The following CEP57 variants were observed in gnomAD, a reference collection of about 807,000 sequenced individuals.
CEP57 encodes centrosomal protein 57, also known as centrosomal protein of 57 kDa.
A neutral mutation model predicts 68.0 loss-of-function variants in CEP57; 40 were observed. The observed-to-expected ratio is 0.59, with a 90% CI of 0.46 to 0.77. The LOEUF (loss-of-function observed/expected upper bound fraction) is 0.77. Among genes scored for constraint, CEP57 ranks in the 30% least tolerant of loss-of-function variants. The probability of loss-of-function intolerance (pLI) is 0.00; values close to 1 mark genes in which losing one functional copy is unlikely to be tolerated. For synonymous variants in CEP57, 219 were observed against 198.7 expected (o/e 1.10, Z -0.86); for missense variants, 606 against 580.7 (o/e 1.04, Z -0.45).
chr11:95,821,006 A>G (rs118139381), intron 6 of CEP57, among the ~76,000 whole-genome samples: 2,597 of 152,292 alleles, frequency 0.017, 38 homozygotes, highest in South Asian at 0.064. Context: ...GTGGTTCTGA[A>G]TATTTGTTCT....
intron 1 of CEP57, among the ~76,000 whole-genome samples, chr11:95,797,128 G>A (rs1327968341): frequency 6.6e-6 from 1 of 151,636 alleles, no homozygotes; most frequent in Non-Finnish European, 1.5e-5. Context: ...CAGGGCCTAG[G>A]GCTGAAATTT....
At position 95,828,036 on chromosome 11, in the gene CEP57, T is replaced by C. The variant is rs1198858773; in HGVS notation, c.1127+9T>C. On this transcript the variant is annotated intron_variant, in intron 9 of 10. Transcript: ENST00000325542. Reference sequence around the variant, plus strand: ...TTTGGGCAAATGAGCTTGTGAGTTTTTGTTTTTTTTTTTAAATTCAGTTTA... The same window carrying C: ...TTTGGGCAAATGAGCTTGTGAGTTTCTGTTTTTTTTTTTAAATTCAGTTTA... The C allele has an allele frequency of 1.2e-6, 2 of 1,611,016 alleles. No homozygotes were observed. Among genetic ancestry groups the C allele is most frequent in the Non-Finnish European group, 1.7e-6 (2 of 1,178,502 alleles).
chr11:95,826,417 CAT>C (rs1401201893), intron 8 of CEP57: 2 of 152,114 alleles, frequency 1.3e-5, no homozygotes, highest in African/African-American at 4.8e-5. Context: ...TGGGGAACAA[CAT>C]ACACTGGAGC....
chr11:95,818,677 G>A (rs1862402839), intron 5 of CEP57, 150 bp from the exon 6 acceptor site: 1 of 638,620 alleles, frequency 1.6e-6, no homozygotes. Context: ...CATCATGGAT[G>A]CCATCCAGCT....
At chr11:95,816,260 A>G (rs1271894665) in intron 4 of CEP57, among the ~76,000 whole-genome samples, 1 of 152,154 alleles carries the variant, frequency 6.6e-6, no homozygotes, top group Non-Finnish European at 1.5e-5. Flanking sequence ...ATCAGATCTC[A>G]TGAGAATTCA....
chr11:95,817,149 C>T (rs564143550), intron 4 of CEP57, among the ~76,000 whole-genome samples: 132 of 151,614 alleles, frequency 8.7e-4, no homozygotes, highest in Non-Finnish European at 1.7e-3. Context: ...GGGTGGCTTA[C>T]GGGGTCAGGA....
intron 2 of CEP57, among the ~76,000 whole-genome samples, chr11:95,810,846 A>T (rs1862029663): frequency 6.6e-6 from 1 of 152,198 alleles, no homozygotes; most frequent in African/African-American, 2.4e-5. Flanking sequence ...GGAAAAAACT[A>T]CTTTAAAGTT....
chr11:95,825,012 G>GC (rs912684347), intron 8 of CEP57, among the ~76,000 whole-genome samples: 4 of 152,162 alleles, frequency 2.6e-5, no homozygotes, highest in African/African-American at 9.7e-5. Flanking sequence ...ACTAGGCATT[G>GC]CCCCTAGCTA....
In CEP57 at chr11:95,831,095, A is replaced by G. The variant is rs644799; in HGVS notation, c.1342A>G (p.Arg448Gly). Residue 448 changes from arginine to glycine, a missense_variant, in exon 11 of 11, where the codon AGA becomes GGA. Arg to Gly is a moderately radical substitution (Grantham distance 125). Coordinates refer to ENST00000325542, the MANE Select transcript of CEP57 (RefSeq NM_014679.5). ...TACCAAAAAGACTCTTGATGAAGAAAGAAACAGCAGCAGCCGTTCTGGAAT... is the reference window on the plus strand; with the variant it reads ...TACCAAAAAGACTCTTGATGAAGAAGGAAACAGCAGCAGCCGTTCTGGAAT... ...KATKKTLDEERNSSSRSGITG... is the reference protein window; with the variant it reads ...KATKKTLDEEGNSSSRSGITG... The G allele has an allele frequency of 0.34, 555,265 of 1,612,300 alleles. 101,901 individuals are homozygous for G. The highest frequency in any genetic ancestry group is 0.38 in the Non-Finnish European group (449,803 of 1,178,604).
intron 2 of CEP57, 132 bp downstream of exon 2, chr11:95,799,520 A>G: frequency 9.3e-7 from 1 of 1,072,160 alleles, no homozygotes; most frequent in Non-Finnish European, 1.4e-6. Context: ...GCCCCCAGAA[A>G]ATATTATGCT....
chr11:95,790,367 T>C (rs561508532), upstream of CEP57: 4 of 448,578 alleles, frequency 8.9e-6, no homozygotes, highest in South Asian at 8.1e-5. Context: ...ACCCCGGCGT[T>C]GTCTGCCCCA....
chr11:95,791,113 A>G (rs1319965128), intron 1 of CEP57, among the ~76,000 whole-genome samples: 1 of 152,150 alleles, frequency 6.6e-6, no homozygotes, highest in African/African-American at 2.4e-5. Flanking sequence ...AACTCGCCAG[A>G]TCAGGTGAGG....
intron 2 of CEP57, among the ~76,000 whole-genome samples, chr11:95,807,541 A>C (rs1426515768): frequency 1.3e-5 from 2 of 152,226 alleles, no homozygotes; most frequent in African/African-American, 4.8e-5. Flanking sequence ...GATGGAGCTG[A>C]AAACCATGCC....
chr11:95,830,908 A>G (rs1389232604), intron 10 of CEP57, 118 bp from the exon 11 acceptor site: 5 of 553,516 alleles, frequency 9.0e-6, no homozygotes, highest in African/African-American at 6.8e-5. Flanking sequence ...AGAATGTATT[A>G]TTTTTCAGTT....
chr11:95,790,664 C>T lies in CEP57; in HGVS notation c.-35C>T. The T allele has an allele frequency of 1.2e-6, 2 of 1,611,354 alleles. No individual in the cohort carries two copies. Among genetic ancestry groups the T allele is most frequent in the South Asian group, 2.2e-5 (2 of 90,430 alleles). On this transcript the variant is annotated 5_prime_UTR_variant, in exon 1 of 11. Transcript: ENST00000325542. Reference sequence around the variant, plus strand: ...GAAGAGCACGAGAACCTAGACCGCCCCCGAAGTGCGGAGACCCCCTGGGCA... The same window carrying T: ...GAAGAGCACGAGAACCTAGACCGCCTCCGAAGTGCGGAGACCCCCTGGGCA...
intron 8 of CEP57, among the ~76,000 whole-genome samples, chr11:95,824,265 A>G (rs1038125165): frequency 3.3e-5 from 5 of 152,006 alleles, no homozygotes; most frequent in Non-Finnish European, 7.4e-5. Flanking sequence ...TTTTAAAAAA[A>G]AAAGGAAATT....
intron 1 of CEP57, chr11:95,794,345 T>A (rs1401595278): frequency 2.2e-6 from 1 of 455,800 alleles, no homozygotes; most frequent in Non-Finnish European, 4.4e-6. Flanking sequence ...CTGAATGAAT[T>A]ATCTGGTTCA....
chr11:95,818,777 A>G (rs1351250672), intron 5 of CEP57, 50 bp from the exon 6 acceptor site: 6 of 1,417,584 alleles, frequency 4.2e-6, no homozygotes, highest in Non-Finnish European at 6.0e-6. Flanking sequence ...AAAATTTTAC[A>G]GACACTTAAG....
chr11:95,824,264 A>G (rs1862644903), intron 8 of CEP57, among the ~76,000 whole-genome samples: 1 of 151,990 alleles, frequency 6.6e-6, no homozygotes, highest in Non-Finnish European at 1.5e-5. Context: ...TTTTTAAAAA[A>G]AAAAGGAAAT....
Sources: gnomAD v4.1 joint callset for allele counts (sites outside exome capture counted in the v4.1 genomes callset) on GRCh38, gnomAD v4.1.1 for gene constraint, MANE v1.5 for transcripts, NCBI Gene and HGNC (gene_info 2026-07-23, HGNC 2026-07-21) for gene names.